Variants in ELMO1 observed in about 807,000 individuals in gnomAD.
ELMO1 encodes engulfment and cell motility 1, also known as engulfment and cell motility protein 1.
In ELMO1, 26 loss-of-function variants were observed where a neutral mutation model predicts 98.9. That is an observed-to-expected ratio of 0.26 (90% CI 0.19 to 0.36). ELMO1 has a LOEUF of 0.36. Ranked by LOEUF, ELMO1 falls within the 10% of genes least tolerant of loss-of-function variation. The probability of loss-of-function intolerance (pLI) is 1.00; values close to 1 mark genes in which losing one functional copy is unlikely to be tolerated. For synonymous variants in ELMO1, 346 were observed against 346.0 expected, an observed-to-expected ratio of 1.00 and a Z score of 0.00; for missense variants, 627 against 935.2, an observed-to-expected ratio of 0.67 and a Z score of 4.30.
intron 16 of ELMO1, among the ~76,000 whole-genome samples, chr7:36,949,067 G>A (rs1174755311): frequency 2.0e-5 from 3 of 152,042 alleles, no homozygotes; most frequent in African/African-American, 7.2e-5. Flanking sequence ...TGTTGGTCAG[G>A]CTGGTCTTGA....
chr7:37,079,462 A>ATGCCCCTGGGAGCCCCACTC (rs1797747525), intron 15 of ELMO1, among the ~76,000 whole-genome samples: 4 of 152,312 alleles, frequency 2.6e-5, no homozygotes, highest in Middle Eastern at 3.4e-3. Context: ...AAATGTTTCT[A>ATGCCCCTGGGAGCCCCACTC]AAAGCCTCCT....
intron 15 of ELMO1, among the ~76,000 whole-genome samples, chr7:37,040,768 C>A (rs955273226): frequency 1.3e-5 from 2 of 152,088 alleles, no homozygotes; most frequent in Admixed American, 1.3e-4. Context: ...GTATTATTAG[C>A]GTTCTAGCAC....
At chr7:37,327,691 ATCC>A (rs796374916) in intron 2 of ELMO1, among the ~76,000 whole-genome samples, 2 of 152,268 alleles carry the variant, frequency 1.3e-5, no homozygotes, top group South Asian at 2.1e-4. Flanking sequence ...ATGGCAATTC[ATCC>A]TCCTTTCTTG....
intron 16 of ELMO1, among the ~76,000 whole-genome samples, chr7:36,952,805 C>CAGAGAGCAGAGGAGGA (rs1477763587): frequency 7.2e-5 from 11 of 151,922 alleles, no homozygotes; most frequent in Admixed American, 5.9e-4. Flanking sequence ...AAAAAATACA[C>CAGAGAGCAGAGGAGGA]AGAGAGCAGA....
chr7:37,010,212 C>T (rs556948290), intron 16 of ELMO1, among the ~76,000 whole-genome samples: 2 of 152,220 alleles, frequency 1.3e-5, no homozygotes, highest in East Asian at 3.9e-4. Context: ...CAAAAGGCTC[C>T]TCTGTCCGTG....
At chr7:37,376,334 G>A (rs1289698977) in intron 1 of ELMO1, among the ~76,000 whole-genome samples, 2 of 152,162 alleles carry the variant, frequency 1.3e-5, no homozygotes, top group African/African-American at 4.8e-5. Context: ...AACTATGGGA[G>A]GGGCCTGAGT....
intron 13 of ELMO1, among the ~76,000 whole-genome samples, chr7:37,156,005 T>G (rs1029274915): frequency 2.0e-5 from 3 of 152,120 alleles, no homozygotes; most frequent in African/African-American, 7.2e-5. Context: ...AAATTAGAAC[T>G]CAGGATTAAG....
At chr7:37,179,720 T>C (rs1411129029) in intron 13 of ELMO1, among the ~76,000 whole-genome samples, 2 of 152,228 alleles carry the variant, frequency 1.3e-5, no homozygotes, top group Non-Finnish European at 2.9e-5. Context: ...AAAGAATCAC[T>C]TCCTTGGATC....
At chr7:37,365,351 G>A (rs1270694277) in intron 1 of ELMO1, among the ~76,000 whole-genome samples, 1 of 152,294 alleles carries the variant, frequency 6.6e-6, no homozygotes, top group Middle Eastern at 3.4e-3. Flanking sequence ...GGACCCAGGA[G>A]CTTCCGAGCT....
At chr7:37,174,451 G>A (rs539649022) in intron 13 of ELMO1, among the ~76,000 whole-genome samples, 2 of 152,284 alleles carry the variant, frequency 1.3e-5, no homozygotes, top group South Asian at 2.1e-4. Flanking sequence ...GCCGACGCAG[G>A]CATTGTGCCT....
chr7:37,041,816 C>T (rs1795525686), intron 15 of ELMO1, among the ~76,000 whole-genome samples: 1 of 152,048 alleles, frequency 6.6e-6, no homozygotes, highest in Non-Finnish European at 1.5e-5. Flanking sequence ...TGCGACGGCA[C>T]CCTTTCTCAT....
intron 14 of ELMO1, among the ~76,000 whole-genome samples, chr7:37,119,363 T>C (rs1051401302): frequency 6.6e-6 from 1 of 152,192 alleles, no homozygotes; most frequent in Admixed American, 6.5e-5. Flanking sequence ...ACTCAGAACA[T>C]AGTAAAGGCT....
intron 1 of ELMO1, among the ~76,000 whole-genome samples, chr7:37,345,631 C>T (rs1173096562): frequency 4.0e-5 from 6 of 151,476 alleles, no homozygotes; most frequent in African/African-American, 9.7e-5. Flanking sequence ...CATTTGAACC[C>T]GGGAGGTGGA....
intron 1 of ELMO1, among the ~76,000 whole-genome samples, chr7:37,378,513 A>G (rs1402844238): frequency 6.6e-6 from 1 of 152,176 alleles, no homozygotes; most frequent in Non-Finnish European, 1.5e-5. Context: ...ATAAACACGA[A>G]TCTACAAATC....
intron 16 of ELMO1, among the ~76,000 whole-genome samples, chr7:36,978,504 A>G (rs1312512492): frequency 6.6e-6 from 1 of 151,882 alleles, no homozygotes; most frequent in African/African-American, 2.4e-5. Context: ...TGCATGTGAA[A>G]GAACCAAAAA....
At chr7:37,237,588 C>T (rs1794547915) in intron 7 of ELMO1, among the ~76,000 whole-genome samples, 1 of 152,158 alleles carries the variant, frequency 6.6e-6, no homozygotes, top group African/African-American at 2.4e-5. Context: ...CCATGCCCGG[C>T]CCCAATACAG....
At chr7:37,128,880 G>A (rs1786708119) in intron 14 of ELMO1, among the ~76,000 whole-genome samples, 2 of 152,030 alleles carry the variant, frequency 1.3e-5, no homozygotes, top group African/African-American at 4.8e-5. Flanking sequence ...ATCAATTAGG[G>A]GAAATAGAAA....
chr7:37,072,910 T>C lies in ELMO1; in HGVS notation c.1300+23709A>G, dbSNP rs903788545. ...TGAGACAATACCTTGAACTCTCAAGTTGACAAAGAGGTTTCTTGGTTTTCT... is the reference window on the plus strand; with the variant it reads ...TGAGACAATACCTTGAACTCTCAAGCTGACAAAGAGGTTTCTTGGTTTTCT... On this transcript the variant is annotated intron_variant, in intron 15 of 21. Transcript: ENST00000310758. 4.6e-5 allele frequency among the ~76,000 whole-genome samples: 7 copies of C among 152,216 alleles called. No individual in the cohort carries two copies. In the South Asian group the frequency reaches 1.0e-3, roughly 22 times the overall value.
intron 13 of ELMO1, among the ~76,000 whole-genome samples, chr7:37,196,765 G>A (rs975621113): frequency 8.5e-5 from 13 of 152,172 alleles, no homozygotes; most frequent in Admixed American, 5.2e-4. Flanking sequence ...ATTGTGGGCA[G>A]GTTTCAAATC....
Sources: allele counts gnomAD v4.1 joint callset (sites outside exome capture counted in the v4.1 genomes callset), GRCh38; gene constraint gnomAD v4.1.1; transcripts MANE v1.5; gene names NCBI Gene and HGNC (gene_info 2026-07-23, HGNC 2026-07-21).